The following STAT2 variants were observed in gnomAD, a reference collection of about 807,000 sequenced individuals.
STAT2 encodes interferon alpha induced transcriptional activator.
In STAT2, 51 loss-of-function variants were observed where a neutral mutation model predicts 122.3. That is an observed-to-expected ratio of 0.42 (90% CI 0.33 to 0.53). The LOEUF (loss-of-function observed/expected upper bound fraction) is 0.53. Among genes scored for constraint, STAT2 ranks in the 20% least tolerant of loss-of-function variants. The pLI is 0.10. For missense variants in STAT2, 736 were observed against 1,010.3 expected (o/e 0.73, Z 3.68); for synonymous variants, 351 against 394.9 (o/e 0.89, Z 1.32).
intron 19 of STAT2, among the ~76,000 whole-genome samples, chr12:56,348,088 T>A (rs867585664): frequency 9.9e-6 from 1 of 101,016 alleles, no homozygotes; most frequent in Non-Finnish European, 2.4e-5. Flanking sequence ...TTATTGGTTG[T>A]TTTTTTTTTT....
rs1877008194 is a variant in STAT2, at chr12:56,344,204, A to C, written c.2103-69T>G. ...AAATGAAATCAGGAATGGTAGAATAAGCAGAAGCTAGTCTAAGAAGGCAGT... is the reference window on the plus strand; with the variant it reads ...AAATGAAATCAGGAATGGTAGAATACGCAGAAGCTAGTCTAAGAAGGCAGT... On this transcript the variant is annotated intron_variant, in intron 22 of 23. Coordinates refer to ENST00000314128, the MANE Select transcript of STAT2 (RefSeq NM_005419.4). The C allele has an allele frequency of 4.0e-6, 6 of 1,492,452 alleles. No homozygotes were observed. In the Admixed American group the frequency reaches 1.1e-4, roughly 27 times the overall value. The allele number at this position is 1,492,452 out of a possible 1,614,324, so 92.5% of individuals were successfully genotyped here.
intron 11 of STAT2, 83 bp from the exon 12 acceptor site, chr12:56,350,515 C>T: frequency 1.5e-6 from 2 of 1,313,652 alleles, no homozygotes; most frequent in Non-Finnish European, 2.1e-6. Context: ...AGACAGACCT[C>T]GGTTCAAACC....
Position 56,346,482 on chromosome 12 carries a change from G to C in STAT2, c.2004C>G (p.Ile668Met), listed in dbSNP as rs199528062. Reference sequence around the variant, plus strand: ...AGCACCCAAAAGCTTCATCCCGGGGGATTCGGGGATAGAGGAAGCGCAGTG... The same window carrying C: ...AGCACCCAAAAGCTTCATCCCGGGGCATTCGGGGATAGAGGAAGCGCAGTG... ...ENPLRFLYPR[I>M]PRDEAFGCYY... is the part of the protein sequence containing the mutation. Residue 668 changes from isoleucine (I) to methionine (M), a missense_variant, in exon 21 of 24, where the codon ATC (isoleucine) becomes ATG (methionine). Coordinates refer to ENST00000314128, the MANE Select transcript of STAT2 (RefSeq NM_005419.4). The C allele has an allele frequency of 8.2e-5, 132 of 1,614,220 alleles. No homozygotes were observed. Among genetic ancestry groups the C allele is most frequent in the East Asian group, 3.6e-4 (16 of 44,886 alleles).
chr12:56,348,614 G>A lies in STAT2; in HGVS notation c.1639C>T (p.Pro547Ser). ...SWADFTKRES[P>S]PGKLPFWTWL... is the part of the protein sequence containing the mutation. Reference sequence around the variant, plus strand: ...GTCCAGAATGGTAACTTGCCAGGAGGGCTCTCTCGCTGGAGGAGGAATGGA... The same window carrying A: ...GTCCAGAATGGTAACTTGCCAGGAGAGCTCTCTCGCTGGAGGAGGAATGGA... Residue 547 changes from proline to serine, a missense_variant, in exon 19 of 24, where the codon CCT (proline) becomes TCT (serine). Transcript: ENST00000314128. The A allele has an allele frequency of 6.2e-7, 1 of 1,614,188 alleles. No homozygotes were observed. Among genetic ancestry groups the A allele is most frequent in the Non-Finnish European group, 8.5e-7 (1 of 1,180,040 alleles).
rs1337645270 is a variant in STAT2 at position 56,354,188 on chromosome 12, T to TA, written c.782+277dup. 1.4e-3 allele frequency among the ~76,000 whole-genome samples: 195 copies of TA among 139,170 alleles called. 2 individuals are homozygous for TA. Among genetic ancestry groups the TA allele is most frequent in the African/African-American group, 3.6e-3 (140 of 38,370 alleles). The allele number at this position is 139,170 out of a possible 152,430, so 91.3% of individuals were successfully genotyped here. ...TTTCTTGTCATTGTATTCGTTGCAG[T>TA]AAAAAAAAAAATACATATATATATA... On this transcript the variant is annotated intron_variant, in intron 8 of 23. Coordinates refer to ENST00000314128, the MANE Select transcript of STAT2 (RefSeq NM_005419.4).
chr12:56,356,472 A>T lies in STAT2; in HGVS notation c.100T>A (p.Tyr34Asn). ...HSLLPVDIRQYLAVWIEDQNW... is the reference protein window; with the variant it reads ...HSLLPVDIRQNLAVWIEDQNW... The stretch of plus-strand genomic sequence containing the variant: ...TGGTCTTCAATCCAGACAGCCAAGT[A>T]CTGTCGAATGTCCACAGGCAGGAGG... Residue 34 changes from tyrosine (Y) to asparagine (N), a missense_variant, in exon 2 of 24, where the codon TAC (tyrosine) becomes AAC (asparagine). By Grantham distance (143) the Tyr-to-Asn change is moderately radical. Coordinates refer to ENST00000314128, the MANE Select transcript of STAT2 (RefSeq NM_005419.4). 6.2e-7 allele frequency: 1 copy of T among 1,614,134 alleles called. No individual in the cohort carries two copies. Among genetic ancestry groups the T allele is most frequent in the Non-Finnish European group, 8.5e-7 (1 of 1,180,046 alleles).
chr12:56,355,225 G>C, intron 6 of STAT2, 51 bp downstream of exon 6: 1 of 1,605,648 alleles, frequency 6.2e-7, no homozygotes, highest in Non-Finnish European at 8.5e-7. Context: ...TTCCAGCTCC[G>C]GCTTCTCAGC....
At chr12:56,354,180 C>T (rs753361002) in intron 8 of STAT2, among the ~76,000 whole-genome samples, 9 of 145,636 alleles carry the variant, frequency 6.2e-5, no homozygotes, top group African/African-American at 2.0e-4. Context: ...TCATTGTATT[C>T]GTTGCAGTAA....
rs1879546677 is a variant in STAT2 at position 56,356,586 on chromosome 12, A to G, written c.-7-8T>C. 2.5e-6 allele frequency: 4 copies of G among 1,614,024 alleles called. No homozygotes were observed. The highest frequency in any genetic ancestry group is 3.4e-6 in the Non-Finnish European group (4 of 1,179,928). On this transcript the variant is annotated splice_polypyrimidine_tract_variant and splice_region_variant and intron_variant, in intron 1 of 23. Transcript: ENST00000314128. Reference sequence around the variant, plus strand: ...CACTGCGCCATTTGGGCTCTGCGTCAGAAGGATGAGGGTTCCCAATTGGAT... The same window carrying G: ...CACTGCGCCATTTGGGCTCTGCGTCGGAAGGATGAGGGTTCCCAATTGGAT...
Position 56,355,940 on chromosome 12 carries a change from T to A in STAT2, c.286-137A>T. 5 of 1,204,142 alleles carry A rather than the reference T, an allele frequency of 4.2e-6. No individual in the cohort carries two copies. The South Asian group carries it at 7.0e-5, about 17-fold the overall frequency. 74.6% of individuals were successfully genotyped at this position (1,204,142 alleles called of 1,614,324 possible). A position where few individuals can be genotyped will look rare whatever the true frequency, so the allele number is the denominator to read the frequency against. ...AGCCCTTTGTCTTTTCACCATAGCA[T>A]CCTCCCAACAGTGTCACGTATATGC... On this transcript the variant is annotated intron_variant, in intron 3 of 23. Transcript: ENST00000314128.
Position 56,356,424 on chromosome 12 carries a change from C to T in STAT2, c.131+17G>A, listed in dbSNP as rs758470679. 1 of 1,612,082 alleles carries T rather than the reference C, an allele frequency of 6.2e-7. No homozygotes were observed. Among genetic ancestry groups the T allele is most frequent in the East Asian group, 2.2e-5 (1 of 44,872 alleles). Reference sequence around the variant, plus strand: ...GGAACCACCTTTTTCATTCCCCCAACTTCCTGAAGGCCTCACCAGTTCTGG... The same window carrying T: ...GGAACCACCTTTTTCATTCCCCCAATTTCCTGAAGGCCTCACCAGTTCTGG... On this transcript the variant is annotated intron_variant, in intron 2 of 23. Coordinates refer to ENST00000314128, the MANE Select transcript of STAT2 (RefSeq NM_005419.4).
chr12:56,354,333 A>C (rs1879177439), intron 8 of STAT2, 133 bp downstream of exon 8: 1 of 1,383,116 alleles, frequency 7.2e-7, no homozygotes, highest in African/African-American at 1.4e-5. Flanking sequence ...ATAGAGCTGC[A>C]GTCAGCAGGG....
rs1565657762 is a variant in STAT2, at chr12:56,354,042, A to ATAT, written c.782+423_782+424insATA. ...ATATATATATATATATATATATATA[A>ATAT]AAAATACTGTTAAGCTTAAAAAAAA... On this transcript the variant is annotated intron_variant, in intron 8 of 23. Coordinates refer to ENST00000314128, the MANE Select transcript of STAT2 (RefSeq NM_005419.4). Among the ~76,000 whole-genome samples, 4 of 32,208 alleles carry ATAT rather than the reference A, an allele frequency of 1.2e-4. No individual in the cohort carries two copies. In the Admixed American group the frequency reaches 2.2e-3, roughly 17 times the overall value. 21.1% of individuals were successfully genotyped at this position (32,208 alleles called of 152,430 possible). A position where few individuals can be genotyped will look rare whatever the true frequency, so the allele number is the denominator to read the frequency against.
At chr12:56,350,527 G>A (rs1878300534) in intron 11 of STAT2, 95 bp from the exon 12 acceptor site, 7 of 1,171,482 alleles carry the variant, frequency 6.0e-6, no homozygotes, top group Non-Finnish European at 8.4e-6. Flanking sequence ...GTTCAAACCC[G>A]ACTTGAGCTC....
Position 56,351,100 on chromosome 12 carries a change from T to G in STAT2, c.1032A>C (p.Thr344=), listed in dbSNP as rs144772223. 2 of 1,613,806 alleles carry G rather than the reference T, an allele frequency of 1.2e-6. No homozygotes were observed. Among genetic ancestry groups the G allele is most frequent in the Admixed American group, 3.3e-5 (2 of 59,982 alleles). The change falls in exon 10 of 24, where the codon ACA becomes ACC. Residue 344 remains threonine, a splice_region_variant and synonymous_variant. Coordinates refer to ENST00000314128, the MANE Select transcript of STAT2 (RefSeq NM_005419.4). ...GGAATGAGTTCTGGAATGCCAACCT[T>G]GTTCGGACGGTGAACTTGCTGCCAG... ...LKTGSKFTVR[T]RLLVRLQEGN...
intron 13 of STAT2, chr12:56,349,846 C>T (rs537570770): frequency 3.2e-5 from 22 of 677,472 alleles, no homozygotes; most frequent in South Asian, 2.4e-4. Flanking sequence ...GTCAGGAGTT[C>T]GAGACCAGCC....
chr12:56,352,349 CTTTTTTT>C (rs76024169), intron 8 of STAT2: 33 of 21,098 alleles, frequency 1.6e-3, no homozygotes, highest in Non-Finnish European at 2.9e-3. Context: ...TTGTAACTAT[CTTTTTTT>C]TTTTTTTTTT....
At chr12:56,357,854 G>A (rs1879765979) in intron 1 of STAT2, among the ~76,000 whole-genome samples, 1 of 151,926 alleles carries the variant, frequency 6.6e-6, no homozygotes, top group African/African-American at 2.4e-5. Flanking sequence ...GGGACTACAG[G>A]AGTGTGCCAT....
rs2066818 is a variant in STAT2 at position 56,360,038 on chromosome 12, C to A, written c.-8+20G>T. On this transcript the variant is annotated intron_variant, in intron 1 of 23. Coordinates refer to ENST00000314128, the MANE Select transcript of STAT2 (RefSeq NM_005419.4). Reference sequence around the variant, plus strand: ...TCTCACCCCCACCCCTACCCCAGCACACCCTCTCAGGGCCCGTACCTGATT... The same window carrying A: ...TCTCACCCCCACCCCTACCCCAGCAAACCCTCTCAGGGCCCGTACCTGATT... 59,805 of 985,164 alleles carry A rather than the reference C, an allele frequency of 0.061. 1,998 individuals are homozygous for A. Among genetic ancestry groups the A allele is most frequent in the Non-Finnish European group, 0.066 (55,138 of 829,774 alleles). The allele number at this position is 985,164 out of a possible 1,614,324, so 61.0% of individuals were successfully genotyped here.
Sources: gnomAD v4.1 joint callset for allele counts (sites outside exome capture counted in the v4.1 genomes callset) on GRCh38, gnomAD v4.1.1 for gene constraint, MANE v1.5 for transcripts, NCBI Gene and HGNC (gene_info 2026-07-23, HGNC 2026-07-21) for gene names.